The following ZDHHC7 variants were observed in gnomAD, a reference collection of about 807,000 sequenced individuals.
ZDHHC7 encodes palmitoyltransferase ZDHHC7.
In ZDHHC7, 12 loss-of-function variants were observed where a neutral mutation model predicts 34.1. The ratio of observed to expected loss-of-function variants is 0.35; its 90% confidence interval spans 0.23 to 0.57. The LOEUF (loss-of-function observed/expected upper bound fraction) is 0.57. Among genes scored for constraint, ZDHHC7 ranks in the 20% least tolerant of loss-of-function variants. The pLI is 0.84. For missense variants in ZDHHC7, 388 were observed against 402.7 expected (o/e 0.96, Z 0.31); for synonymous variants, 185 against 155.4 (o/e 1.19, Z -1.42).
At chr16:85,018,951 G>A in the ZDHHC7 span, among the ~76,000 whole-genome samples, 22 of 152,260 alleles carry the variant, frequency 1.4e-4, no homozygotes, top group East Asian at 5.8e-4. Flanking sequence ...GTTTAAACCC[G>A]AAGAGGGTGA....
At chr16:85,016,688 G>C in the ZDHHC7 span, among the ~76,000 whole-genome samples, 1 of 151,074 alleles carries the variant, frequency 6.6e-6, no homozygotes, top group Non-Finnish European at 1.5e-5. Flanking sequence ...GGCTAGTCTT[G>C]AACTCAAGCG....
chr16:84,979,136 G>A, intron 5 of ZDHHC7, 53 bp downstream of exon 5: 2 of 1,541,924 alleles, frequency 1.3e-6, no homozygotes, highest in Non-Finnish European at 1.8e-6. Context: ...GCAAGAAGCA[G>A]TTAAAGAATT....
chr16:85,012,005 GCCT>G (rs2072801198), upstream of ZDHHC7, among the ~76,000 whole-genome samples: 1 of 152,194 alleles, frequency 6.6e-6, no homozygotes, highest in Non-Finnish European at 1.5e-5. Context: ...GGAGCCCCCG[GCCT>G]CCTCCTTGAG....
chr16:84,986,221 T>G (rs551788798), intron 3 of ZDHHC7, among the ~76,000 whole-genome samples: 1 of 152,330 alleles, frequency 6.6e-6, no homozygotes, highest in East Asian at 1.9e-4. Flanking sequence ...CTTTTCTTCC[T>G]ACCGTGCACA....
intron 2 of ZDHHC7, among the ~76,000 whole-genome samples, chr16:84,994,164 G>A (rs1036825233): frequency 1.3e-5 from 2 of 152,224 alleles, no homozygotes; most frequent in African/African-American, 4.8e-5. Flanking sequence ...CTCCAGGGGG[G>A]TCTGGGTCTC....
chr16:84,991,065 C>T (rs2072503451), intron 2 of ZDHHC7, among the ~76,000 whole-genome samples: 1 of 152,206 alleles, frequency 6.6e-6, no homozygotes, highest in African/African-American at 2.4e-5. Context: ...GCTCGGCACA[C>T]ACTTCAGCAA....
the ZDHHC7 span, among the ~76,000 whole-genome samples, chr16:85,024,306 A>C: frequency 5.6e-5 from 8 of 141,814 alleles, no homozygotes; most frequent in Admixed American, 4.8e-4. Flanking sequence ...ATCTCGGCTC[A>C]CTGCAACCTC....
chr16:85,006,184 C>T (rs9924112), intron 1 of ZDHHC7, among the ~76,000 whole-genome samples: 109 of 151,858 alleles, frequency 7.2e-4, no homozygotes, highest in African/African-American at 2.6e-3. Context: ...TAGCGAGACC[C>T]TATCTCTACA....
At chr16:84,990,189 G>T in intron 3 of ZDHHC7, 115 bp downstream of exon 3, 1 of 1,257,570 alleles carries the variant, frequency 8.0e-7, no homozygotes, top group Non-Finnish European at 1.1e-6. Context: ...CACCTTTCTT[G>T]TTCCACACCC....
rs771048307 is a variant in ZDHHC7, at chr16:84,976,310, C to G, written c.*33G>C. The G allele has an allele frequency of 3.9e-5, 62 of 1,608,852 alleles. No individual in the cohort carries two copies. The highest frequency in any genetic ancestry group is 4.8e-5 in the Non-Finnish European group (57 of 1,178,912). On this transcript the variant is annotated 3_prime_UTR_variant, in exon 8 of 8. Coordinates refer to ENST00000313732, the MANE Select transcript of ZDHHC7 (RefSeq NM_017740.3). The stretch of plus-strand genomic sequence containing the variant: ...AGACCCCAAATAAATAACTGGAAGT[C>G]TGTGAGCAAGTTTCAGTCTGATGAG...
chr16:84,984,612 C>T (rs935922460), intron 3 of ZDHHC7, among the ~76,000 whole-genome samples: 1 of 152,156 alleles, frequency 6.6e-6, no homozygotes, highest in African/African-American at 2.4e-5. Flanking sequence ...AAAGGCATTT[C>T]GAAGGGGAAG....
At chr16:84,980,054 G>A (rs28722687) in intron 4 of ZDHHC7, among the ~76,000 whole-genome samples, 3,332 of 149,048 alleles carry the variant, frequency 0.022, 123 homozygotes, top group African/African-American at 0.076. Flanking sequence ...TCTGCCTCCC[G>A]GGTTCACGCC....
At chr16:85,009,955 G>T (rs932627395) in intron 1 of ZDHHC7, among the ~76,000 whole-genome samples, 1 of 151,684 alleles carries the variant, frequency 6.6e-6, no homozygotes, top group Non-Finnish European at 1.5e-5. Context: ...TGATCCGCCC[G>T]CCTCGGCCTC....
In ZDHHC7 at chr16:84,974,612, T is replaced by C. The variant is rs1332824449; in HGVS notation, c.*1731A>G. The C allele has an allele frequency of 6.5e-6, 1 of 152,678 alleles. No homozygotes were observed. The highest frequency in any genetic ancestry group is 1.5e-5 in the Non-Finnish European group (1 of 68,048). The allele number at this position is 152,678 out of a possible 1,614,324, so 9.5% of individuals were successfully genotyped here. On this transcript the variant is annotated 3_prime_UTR_variant, in exon 8 of 8. Coordinates refer to ENST00000313732, the MANE Select transcript of ZDHHC7 (RefSeq NM_017740.3). ...TGTTTTATTGATAACAGGATATACATATTAAAAGCCTCACACTGAAGCCCA... is the reference window on the plus strand; with the variant it reads ...TGTTTTATTGATAACAGGATATACACATTAAAAGCCTCACACTGAAGCCCA...
rs997828496 is a variant in ZDHHC7, at chr16:84,998,750, T to A, written c.-103-2743A>T. On this transcript the variant is annotated intron_variant, in intron 1 of 7. Coordinates refer to ENST00000313732, the MANE Select transcript of ZDHHC7 (RefSeq NM_017740.3). ...TCCAGCTCTCAATCCCTTCTGAACC[T>A]TTTTTTTTTTTTTTTTTTTTTGAGA... is the stretch of plus-strand genomic sequence containing the variant. Among the ~76,000 whole-genome samples the A allele has an allele frequency of 2.2e-3, 159 of 72,306 alleles. 1 individual carries two copies. Among genetic ancestry groups the A allele is most frequent in the Middle Eastern group, 0.017 (2 of 120 alleles). The allele number at this position is 72,306 out of a possible 152,430, so 47.4% of individuals were successfully genotyped here.
chr16:85,019,426 T>C, the ZDHHC7 span, among the ~76,000 whole-genome samples: 13 of 152,024 alleles, frequency 8.6e-5, no homozygotes, highest in Non-Finnish European at 1.3e-4. Context: ...TAAAAAGAAG[T>C]AGTCATCTGG....
chr16:85,021,605 C>A, the ZDHHC7 span, among the ~76,000 whole-genome samples: 1 of 151,854 alleles, frequency 6.6e-6, no homozygotes. Flanking sequence ...ATAATCCCAG[C>A]TACTCAGAAG....
chr16:85,024,295 G>T, the ZDHHC7 span, among the ~76,000 whole-genome samples: 1 of 141,716 alleles, frequency 7.1e-6, no homozygotes, highest in South Asian at 2.3e-4. Flanking sequence ...GCAATGGCAC[G>T]ATCTCGGCTC....
At chr16:84,989,384 C>G (rs2072478469) in intron 3 of ZDHHC7, among the ~76,000 whole-genome samples, 1 of 152,132 alleles carries the variant, frequency 6.6e-6, no homozygotes, top group Non-Finnish European at 1.5e-5. Context: ...TGAGCTGATC[C>G]GTTTCAGTTT....
Sources: allele counts gnomAD v4.1 joint callset (sites outside exome capture counted in the v4.1 genomes callset), GRCh38; gene constraint gnomAD v4.1.1; transcripts MANE v1.5; gene names NCBI Gene and HGNC (gene_info 2026-07-23, HGNC 2026-07-21).